LRRTM4: variants seen among roughly 807,000 people sequenced by gnomAD.
LRRTM4 encodes leucine-rich repeat transmembrane neuronal protein 4.
LRRTM4 carries 25 observed loss-of-function variants against 47.6 expected under a neutral mutation model. That is an observed-to-expected ratio of 0.53 (90% CI 0.38 to 0.73). The LOEUF (loss-of-function observed/expected upper bound fraction) is 0.73. Among genes scored for constraint, LRRTM4 ranks in the 30% least tolerant of loss-of-function variants. LRRTM4 has a pLI of 0.00. For missense variants in LRRTM4, 638 were observed against 713.4 expected (o/e 0.89, Z 1.20); for synonymous variants, 311 against 269.5 (o/e 1.15, Z -1.51).
intron 3 of LRRTM4, among the ~76,000 whole-genome samples, chr2:77,005,304 C>T (rs562591573): frequency 1.9e-3 from 295 of 152,258 alleles, no homozygotes; most frequent in Non-Finnish European, 3.4e-3. Context: ...GCCACCACAC[C>T]CAGCTAACTT....
chr2:77,259,610 A>C (rs1675863917), intron 3 of LRRTM4, among the ~76,000 whole-genome samples: 1 of 152,016 alleles, frequency 6.6e-6, no homozygotes, highest in Non-Finnish European at 1.5e-5. Context: ...GGTGTTCAAT[A>C]GGTAGGAAAC....
chr2:77,188,285 T>C (rs1386005516), intron 3 of LRRTM4, among the ~76,000 whole-genome samples: 1 of 152,198 alleles, frequency 6.6e-6, no homozygotes, highest in African/African-American at 2.4e-5. Flanking sequence ...CATACGATAT[T>C]TCCCCTCTAT....
At chr2:76,759,126 A>G (rs1673163507) in intron 3 of LRRTM4, among the ~76,000 whole-genome samples, 1 of 152,164 alleles carries the variant, frequency 6.6e-6, no homozygotes, top group African/African-American at 2.4e-5. Context: ...GGAGCTGGGT[A>G]TATAAAGAAG....
At chr2:77,368,830 G>A (rs1672551247) in intron 3 of LRRTM4, among the ~76,000 whole-genome samples, 4 of 151,710 alleles carry the variant, frequency 2.6e-5, no homozygotes, top group Non-Finnish European at 4.4e-5. Context: ...TTATGAGGTG[G>A]TGATTTTGTT....
chr2:77,494,344 C>A (rs1042375435), intron 3 of LRRTM4, among the ~76,000 whole-genome samples: 15 of 152,116 alleles, frequency 9.9e-5, no homozygotes, highest in African/African-American at 3.6e-4. Flanking sequence ...CACTCCCTAG[C>A]TCTCTGTTAC....
chr2:76,952,574 CTT>C (rs1324745389), intron 3 of LRRTM4, among the ~76,000 whole-genome samples: 3 of 151,872 alleles, frequency 2.0e-5, no homozygotes, highest in Non-Finnish European at 4.4e-5. Context: ...AAGGGGAACA[CTT>C]ATACACTGTT....
chr2:77,032,202 T>G (rs1438974686), intron 3 of LRRTM4, among the ~76,000 whole-genome samples: 1 of 152,094 alleles, frequency 6.6e-6, no homozygotes, highest in Admixed American at 6.6e-5. Context: ...TGCAGGGCCT[T>G]CATATTTACC....
chr2:77,246,140 G>A (rs1675440182), intron 3 of LRRTM4, among the ~76,000 whole-genome samples: 1 of 152,128 alleles, frequency 6.6e-6, no homozygotes, highest in African/African-American at 2.4e-5. Context: ...ATAAACATTT[G>A]CAAGTGACAA....
chr2:76,889,075 T>C (rs930663429), intron 3 of LRRTM4, among the ~76,000 whole-genome samples: 78 of 151,840 alleles, frequency 5.1e-4, no homozygotes, highest in African/African-American at 1.8e-3. Flanking sequence ...AAAAATCTTA[T>C]CAAAATTGAG....
At chr2:77,167,027 G>A (rs1464877541) in intron 3 of LRRTM4, among the ~76,000 whole-genome samples, 3 of 152,162 alleles carry the variant, frequency 2.0e-5, no homozygotes, top group Admixed American at 2.0e-4. Context: ...GCAACCTACA[G>A]AATGGGAGAA....
chr2:77,379,380 G>A (rs183692104), intron 3 of LRRTM4, among the ~76,000 whole-genome samples: 6 of 151,968 alleles, frequency 3.9e-5, no homozygotes, highest in Non-Finnish European at 7.4e-5. Flanking sequence ...TATTTGGCAC[G>A]GCAATATACA....
chr2:77,521,330 C>A (rs1001686788), intron 2 of LRRTM4, among the ~76,000 whole-genome samples: 1 of 151,974 alleles, frequency 6.6e-6, no homozygotes, highest in Non-Finnish European at 1.5e-5. Context: ...ACCAGAAACA[C>A]AAGCCTCGTT....
intron 3 of LRRTM4, among the ~76,000 whole-genome samples, chr2:76,900,773 T>A (rs1416595345): frequency 6.6e-6 from 1 of 152,158 alleles, no homozygotes; most frequent in Non-Finnish European, 1.5e-5. Flanking sequence ...AAATTAATCA[T>A]CTTCACAAAG....
chr2:76,796,098 C>G (rs549571802), intron 3 of LRRTM4, among the ~76,000 whole-genome samples: 2 of 137,624 alleles, frequency 1.5e-5, no homozygotes, highest in Admixed American at 1.4e-4. Flanking sequence ...GAATACTGCG[C>G]TTTTCAGACA....
chr2:76,886,165 C>A (rs1237098746), intron 3 of LRRTM4, among the ~76,000 whole-genome samples: 1 of 152,054 alleles, frequency 6.6e-6, no homozygotes, highest in African/African-American at 2.4e-5. Flanking sequence ...AAAAGCATTA[C>A]AAAATTTAAA....
chr2:77,255,253 G>C (rs185034005), intron 3 of LRRTM4, among the ~76,000 whole-genome samples: 1 of 152,010 alleles, frequency 6.6e-6, no homozygotes, highest in East Asian at 1.9e-4. Context: ...TCACCAAAGA[G>C]AGATACAAAA....
chr2:76,885,986 C>T (rs202050625), intron 3 of LRRTM4, among the ~76,000 whole-genome samples: 1 of 152,046 alleles, frequency 6.6e-6, no homozygotes, highest in Non-Finnish European at 1.5e-5. Context: ...AAAAACTAGA[C>T]ATAGAATGGT....
chr2:77,303,274 C>G (rs1302860894), intron 3 of LRRTM4, among the ~76,000 whole-genome samples: 1 of 146,026 alleles, frequency 6.8e-6, no homozygotes, highest in Non-Finnish European at 1.5e-5. Context: ...AACAAACAAA[C>G]AAACAAAAAA....
chr2:77,495,675 C>T (rs1259307532), intron 3 of LRRTM4, among the ~76,000 whole-genome samples: 1 of 151,940 alleles, frequency 6.6e-6, no homozygotes, highest in Non-Finnish European at 1.5e-5. Flanking sequence ...GCACTTTTGT[C>T]AAAGATCAGT....
Sources: allele counts gnomAD v4.1 joint callset (sites outside exome capture counted in the v4.1 genomes callset), GRCh38; gene constraint gnomAD v4.1.1; transcripts MANE v1.5; gene names NCBI Gene and HGNC (gene_info 2026-07-23, HGNC 2026-07-21).